OSBPL6: variants seen among roughly 807,000 people sequenced by gnomAD.
OSBPL6 encodes the protein oxysterol binding protein like 6.
Under a neutral mutation model 125.8 loss-of-function variants are expected in OSBPL6, and 49 were observed. That is an observed-to-expected ratio of 0.39 (90% CI 0.31 to 0.49). The LOEUF is 0.49. Ranked by LOEUF, OSBPL6 falls within the 20% of genes least tolerant of loss-of-function variation. The probability of loss-of-function intolerance (pLI) is 0.88; values close to 1 mark genes in which losing one functional copy is unlikely to be tolerated. For missense variants in OSBPL6, 986 were observed against 1,135.4 expected (o/e 0.87, Z 1.89); for synonymous variants, 394 against 391.8 (o/e 1.01, Z -0.07).
intron 2 of OSBPL6, among the ~76,000 whole-genome samples, chr2:178,288,408 C>T (rs1684911245): frequency 6.6e-6 from 1 of 152,190 alleles, no homozygotes; most frequent in South Asian, 2.1e-4. Context: ...GGCTGTGCCC[C>T]AGGCCAGCTC....
intron 2 of OSBPL6, among the ~76,000 whole-genome samples, chr2:178,285,445 C>G (rs1461114114): frequency 6.6e-6 from 1 of 152,120 alleles, no homozygotes. Flanking sequence ...TTAAAATAGC[C>G]AAAATGTTAT....
In OSBPL6 at chr2:178,309,666, CT is replaced by C. The variant is rs368696883; in HGVS notation, c.102+3383del. ...CTTAGTTATTTAACAAGTTAGAAGG[CT>C]TTAATAATTGTTCCATTTGCATTTC... is the stretch of plus-strand genomic sequence containing the variant. On this transcript the variant is annotated intron_variant, in intron 3 of 24. Transcript: ENST00000190611. Among the ~76,000 whole-genome samples, 1,326 of 152,322 alleles carry C rather than the reference CT, an allele frequency of 8.7e-3. 22 individuals carry two copies. The highest frequency in any genetic ancestry group is 0.03 in the African/African-American group (1,264 of 41,572).
rs1023630968 is a variant in OSBPL6 at position 178,320,139 on chromosome 2, C to T, written c.103-4038C>T. 5 of 912,262 alleles carry T rather than the reference C, an allele frequency of 5.5e-6. No homozygotes were observed. In the African/African-American group the frequency reaches 6.9e-5, roughly 13 times the overall value. The allele number at this position is 912,262 out of a possible 1,614,324, so 56.5% of individuals were successfully genotyped here. ...ATTTTGAGAATCACGTTTCTCTCCG[C>T]GTGAGTTGCACCAAACCATTCAGCT... On this transcript the variant is annotated intron_variant, in intron 3 of 24. Transcript: ENST00000190611.
intron 1 of OSBPL6, among the ~76,000 whole-genome samples, chr2:178,217,630 C>G (rs974820898): frequency 1.3e-5 from 2 of 152,316 alleles, no homozygotes; most frequent in Non-Finnish European, 2.9e-5. Context: ...GAGGTGGTGT[C>G]TGGTTTACAT....
chr2:178,371,697 A>G (rs1031158171), intron 13 of OSBPL6, among the ~76,000 whole-genome samples: 7 of 152,210 alleles, frequency 4.6e-5, no homozygotes, highest in Non-Finnish European at 8.8e-5. Context: ...AATTTTTAAG[A>G]TAACTACCCA....
intron 1 of OSBPL6, among the ~76,000 whole-genome samples, chr2:178,258,325 G>T (rs1042172594): frequency 6.6e-6 from 1 of 151,980 alleles, no homozygotes; most frequent in Non-Finnish European, 1.5e-5. Flanking sequence ...CAAACTTCTG[G>T]CCTCAAGCGA....
At chr2:178,342,985 TG>T (rs1450096263) in intron 11 of OSBPL6, among the ~76,000 whole-genome samples, 1 of 152,174 alleles carries the variant, frequency 6.6e-6, no homozygotes, top group Non-Finnish European at 1.5e-5. Context: ...AATTTTTTTT[TG>T]TGGAAAACAG....
In OSBPL6 at chr2:178,392,452, A is replaced by C; in HGVS notation, c.2487A>C (p.Thr829=). ...ACTATGAGCTGTACTATGGCTTCACAAGGTTTGCTATTGAGCTCAATGAGT... is the reference window on the plus strand; with the variant it reads ...ACTATGAGCTGTACTATGGCTTCACCAGGTTTGCTATTGAGCTCAATGAGT... The part of the protein sequence containing the change: ...PTNYELYYGF[T]RFAIELNELD... Residue 829 remains threonine, a synonymous_variant, in exon 23 of 25, where the codon ACA becomes ACC. Transcript: ENST00000190611. The C allele has an allele frequency of 1.2e-6, 2 of 1,614,034 alleles. No homozygotes were observed. The highest frequency in any genetic ancestry group is 1.7e-6 in the Non-Finnish European group (2 of 1,179,932).
intron 1 of OSBPL6, among the ~76,000 whole-genome samples, chr2:178,230,196 A>G (rs1032218604): frequency 3.3e-5 from 5 of 152,216 alleles, no homozygotes; most frequent in Non-Finnish European, 5.9e-5. Context: ...CCCATTGAGT[A>G]GAGCTAAATG....
intron 1 of OSBPL6, among the ~76,000 whole-genome samples, chr2:178,247,550 G>A (rs2091538593): frequency 6.6e-6 from 1 of 152,064 alleles, no homozygotes; most frequent in African/African-American, 2.4e-5. Context: ...GGCATGTCTT[G>A]CTTCTCTTTC....
chr2:178,329,782 T>C (rs1229254233), intron 5 of OSBPL6, among the ~76,000 whole-genome samples: 1 of 152,154 alleles, frequency 6.6e-6, no homozygotes, highest in East Asian at 1.9e-4. Flanking sequence ...AATAAATCTA[T>C]ATATTTGGCA....
At chr2:178,351,843 T>C (rs1488331735) in intron 12 of OSBPL6, among the ~76,000 whole-genome samples, 3 of 151,842 alleles carry the variant, frequency 2.0e-5, no homozygotes, top group Non-Finnish European at 4.4e-5. Flanking sequence ...TATTTGAGGG[T>C]GGAGGGTGGG....
At chr2:178,229,353 A>G (rs1342229800) in intron 1 of OSBPL6, among the ~76,000 whole-genome samples, 3 of 152,194 alleles carry the variant, frequency 2.0e-5, no homozygotes, top group Admixed American at 6.5e-5. Flanking sequence ...AAAATGAAAT[A>G]ATATAAAAAA....
At chr2:178,340,895 GT>G (rs1199105153) in intron 11 of OSBPL6, among the ~76,000 whole-genome samples, 4 of 151,188 alleles carry the variant, frequency 2.6e-5, no homozygotes, top group Admixed American at 1.3e-4. Context: ...AATACCCATG[GT>G]TTTTTTTTAT....
chr2:178,292,333 G>A (rs1685361920), intron 2 of OSBPL6, among the ~76,000 whole-genome samples: 1 of 152,004 alleles, frequency 6.6e-6, no homozygotes, highest in South Asian at 2.1e-4. Flanking sequence ...TATTCACTTT[G>A]CATATCAAAT....
chr2:178,390,187 C>T (rs1695279601), intron 21 of OSBPL6, among the ~76,000 whole-genome samples: 1 of 152,226 alleles, frequency 6.6e-6, no homozygotes, highest in African/African-American at 2.4e-5. Context: ...AGAATATGCT[C>T]TATTTCTTTG....
intron 13 of OSBPL6, among the ~76,000 whole-genome samples, chr2:178,367,587 A>G (rs1692957826): frequency 6.6e-6 from 1 of 152,192 alleles, no homozygotes; most frequent in African/African-American, 2.4e-5. Context: ...ATTACCTGCC[A>G]GGGTTGATGA....
chr2:178,243,916 G>A (rs547942104), intron 1 of OSBPL6, among the ~76,000 whole-genome samples: 1 of 152,308 alleles, frequency 6.6e-6, no homozygotes, highest in South Asian at 2.1e-4. Flanking sequence ...CTCCCAAAGT[G>A]TTGGGATTAC....
intron 1 of OSBPL6, among the ~76,000 whole-genome samples, chr2:178,235,509 C>T (rs1313042498): frequency 6.7e-6 from 1 of 148,470 alleles, no homozygotes; most frequent in Non-Finnish European, 1.5e-5. Context: ...TGGGTTCAAG[C>T]AATTCTCCTG....
Sources: gnomAD v4.1 joint callset for allele counts (sites outside exome capture counted in the v4.1 genomes callset) on GRCh38, gnomAD v4.1.1 for gene constraint, MANE v1.5 for transcripts, NCBI Gene and HGNC (gene_info 2026-07-23, HGNC 2026-07-21) for gene names.